The following DSCAM variants were observed in gnomAD, a reference collection of about 807,000 sequenced individuals.
DSCAM encodes the protein DS cell adhesion molecule.
In DSCAM, 47 loss-of-function variants were observed where a neutral mutation model predicts 217.7. The observed-to-expected ratio is 0.22, with a 90% CI of 0.17 to 0.28. The LOEUF (loss-of-function observed/expected upper bound fraction) is 0.28. Among genes scored for constraint, DSCAM ranks in the 10% least tolerant of loss-of-function variants. The probability of loss-of-function intolerance (pLI) is 1.00; values close to 1 mark genes in which losing one functional copy is unlikely to be tolerated. For missense variants in DSCAM, 2,080 were observed against 2,618.3 expected (o/e 0.79, Z 4.49); for synonymous variants, 1,056 against 1,015.3 (o/e 1.04, Z -0.76).
chr21:40,330,522 C>T (rs2074367338), intron 8 of DSCAM, among the ~76,000 whole-genome samples: 2 of 151,400 alleles, frequency 1.3e-5, no homozygotes, highest in South Asian at 2.1e-4. Context: ...TAATAAAATG[C>T]CATATTTTAA....
At chr21:40,634,597 A>T (rs942836636) in intron 3 of DSCAM, among the ~76,000 whole-genome samples, 5 of 152,212 alleles carry the variant, frequency 3.3e-5, no homozygotes, top group African/African-American at 7.2e-5. Flanking sequence ...GTTCTCTGTA[A>T]TAGTATCTTA....
At chr21:40,674,781 T>C (rs949386990) in intron 3 of DSCAM, among the ~76,000 whole-genome samples, 5 of 151,872 alleles carry the variant, frequency 3.3e-5, no homozygotes, top group East Asian at 1.9e-4. Flanking sequence ...TACAGGCGCC[T>C]GCCACCACGC....
At chr21:40,374,731 A>T (rs2074932780) in intron 3 of DSCAM, among the ~76,000 whole-genome samples, 1 of 152,204 alleles carries the variant, frequency 6.6e-6, no homozygotes, top group African/African-American at 2.4e-5. Flanking sequence ...TATAGGTGTG[A>T]TTATAAGGGT....
intron 32 of DSCAM, among the ~76,000 whole-genome samples, chr21:40,015,417 CTTT>C (rs5843993): frequency 2.7e-4 from 40 of 145,538 alleles, no homozygotes; most frequent in African/African-American, 6.1e-4. Flanking sequence ...TCTCTTGACT[CTTT>C]TTTTTTTTTT....
At chr21:40,070,185 A>G (rs2089270491) in intron 27 of DSCAM, among the ~76,000 whole-genome samples, 1 of 149,456 alleles carries the variant, frequency 6.7e-6, no homozygotes, top group Admixed American at 6.6e-5. Flanking sequence ...AGAGAGAGGA[A>G]GAGAAAGAGA....
chr21:40,197,086 T>C (rs2091018509), intron 11 of DSCAM, among the ~76,000 whole-genome samples: 1 of 152,100 alleles, frequency 6.6e-6, no homozygotes, highest in African/African-American at 2.4e-5. Flanking sequence ...CTACTTGACA[T>C]CTTCTCCCCT....
At chr21:40,386,773 G>A (rs961837027) in intron 3 of DSCAM, among the ~76,000 whole-genome samples, 1 of 152,062 alleles carries the variant, frequency 6.6e-6, no homozygotes, top group African/African-American at 2.4e-5. Context: ...CTTAAAAGTG[G>A]AAACAGTGAC....
chr21:40,238,276 TG>T (rs1347637780), intron 11 of DSCAM, among the ~76,000 whole-genome samples: 1 of 152,206 alleles, frequency 6.6e-6, no homozygotes, highest in Non-Finnish European at 1.5e-5. Flanking sequence ...TCATCTCCAG[TG>T]AAAACGACCC....
chr21:40,797,125 A>G (rs1221631338), intron 1 of DSCAM, among the ~76,000 whole-genome samples: 3 of 152,148 alleles, frequency 2.0e-5, no homozygotes, highest in Non-Finnish European at 4.4e-5. Context: ...TTCATTAAGG[A>G]CTGTATGCTT....
chr21:40,795,879 A>G (rs887790979), intron 1 of DSCAM, among the ~76,000 whole-genome samples: 2 of 152,202 alleles, frequency 1.3e-5, no homozygotes, highest in African/African-American at 4.8e-5. Context: ...TTCATGTATC[A>G]TGAAAGGCAG....
At chr21:40,156,393 C>T (rs1246071558) in intron 16 of DSCAM, among the ~76,000 whole-genome samples, 1 of 148,904 alleles carries the variant, frequency 6.7e-6, no homozygotes, top group Non-Finnish European at 1.5e-5. Flanking sequence ...GTTGTTGCAG[C>T]CTTTGTCATT....
chr21:40,227,849 A>C (rs1011290363), intron 11 of DSCAM, among the ~76,000 whole-genome samples: 1 of 152,204 alleles, frequency 6.6e-6, no homozygotes, highest in African/African-American at 2.4e-5. Flanking sequence ...TGCATTGTTA[A>C]CTAAGTGCAT....
rs184071731 is a variant in DSCAM, at chr21:40,105,727, T to G, written c.3697-11853A>C. 1.6e-4 allele frequency among the ~76,000 whole-genome samples: 24 copies of G among 152,290 alleles called. 1 individual carries two copies. The highest frequency in any genetic ancestry group is 3.9e-4 in the East Asian group (2 of 5,184). Reference sequence around the variant, plus strand: ...GATAACAGGGAAAAAAGACCACTATTAAATGATAAACTTATAAAAAACAAC... The same window carrying G: ...GATAACAGGGAAAAAAGACCACTATGAAATGATAAACTTATAAAAAACAAC... On this transcript the variant is annotated intron_variant, in intron 20 of 32. Transcript: ENST00000400454.
At chr21:40,622,395 G>C (rs1601798129) in intron 3 of DSCAM, among the ~76,000 whole-genome samples, 1 of 151,964 alleles carries the variant, frequency 6.6e-6, no homozygotes, top group Non-Finnish European at 1.5e-5. Flanking sequence ...ATAGTCTGTA[G>C]GTAACTAATG....
At chr21:40,444,540 CT>C (rs2075658691) in intron 3 of DSCAM, among the ~76,000 whole-genome samples, 1 of 152,186 alleles carries the variant, frequency 6.6e-6, no homozygotes, top group African/African-American at 2.4e-5. Context: ...GAGAGAGATG[CT>C]TTTAGATTCA....
intron 3 of DSCAM, among the ~76,000 whole-genome samples, chr21:40,502,728 T>C (rs1021207134): frequency 2.0e-5 from 3 of 152,194 alleles, no homozygotes; most frequent in Non-Finnish European, 4.4e-5. Flanking sequence ...AATTTTCTTA[T>C]GTCAAGGACA....
intron 3 of DSCAM, among the ~76,000 whole-genome samples, chr21:40,432,151 C>T (rs1208760905): frequency 2.0e-5 from 3 of 151,920 alleles, no homozygotes; most frequent in Non-Finnish European, 2.9e-5. Flanking sequence ...GAGCCGAGAT[C>T]GTGCCATTGC....
intron 9 of DSCAM, among the ~76,000 whole-genome samples, chr21:40,308,236 T>C (rs2074101175): frequency 1.3e-5 from 2 of 152,182 alleles, no homozygotes; most frequent in Admixed American, 1.3e-4. Flanking sequence ...GTGTCAAATA[T>C]TGTTTATGCA....
At chr21:40,084,123 T>C (rs376894985) in intron 23 of DSCAM, 117 bp from the exon 24 acceptor site, 6 of 728,408 alleles carry the variant, frequency 8.2e-6, no homozygotes, top group Non-Finnish European at 1.3e-5. Flanking sequence ...TGTTTCAGTT[T>C]GCCAAAATAT....
Sources: allele counts gnomAD v4.1 joint callset (sites outside exome capture counted in the v4.1 genomes callset), GRCh38; gene constraint gnomAD v4.1.1; transcripts MANE v1.5; gene names NCBI Gene and HGNC (gene_info 2026-07-23, HGNC 2026-07-21).